Variants in KBTBD12 observed in about 807,000 individuals in gnomAD.
KBTBD12 encodes kelch repeat and BTB domain-containing protein 12.
A neutral mutation model predicts 58.7 loss-of-function variants in KBTBD12; 53 were observed. The observed-to-expected ratio is 0.90, with a 90% CI of 0.72 to 1.14. The LOEUF (loss-of-function observed/expected upper bound fraction) is 1.14, where lower values mean the gene tolerates loss of function less well. Ranked by LOEUF, KBTBD12 falls within the 50% of genes most tolerant of loss-of-function variation. The pLI, the probability that KBTBD12 is intolerant of heterozygous loss-of-function variation, is 0.00. For missense variants in KBTBD12, 704 were observed against 751.3 expected (o/e 0.94, Z 0.74); for synonymous variants, 236 against 259.8 (o/e 0.91, Z 0.88).
rs113571406 is a variant in KBTBD12 at position 127,941,652 on chromosome 3, T to A, written c.1492+11369T>A. Among the ~76,000 whole-genome samples the A allele has an allele frequency of 9.3e-3, 1,412 of 152,292 alleles. 15 individuals carry two copies. Among genetic ancestry groups the A allele is most frequent in the African/African-American group, 0.024 (1,003 of 41,570 alleles). On this transcript the variant is annotated intron_variant, in intron 4 of 5. Coordinates refer to ENST00000405109, the MANE Select transcript of KBTBD12 (RefSeq NM_207335.4). ...CCTAGGCTGGAGTGCAGTGGTGCGA[T>A]CTCAGCTCACTGCAACCTCCATCTC...
chr3:127,973,482 C>T (rs1940718416), intron 5 of KBTBD12, among the ~76,000 whole-genome samples: 1 of 152,080 alleles, frequency 6.6e-6, no homozygotes, highest in Admixed American at 6.5e-5. Flanking sequence ...AGAATATGAA[C>T]AGGATTTTAT....
intron 2 of KBTBD12, among the ~76,000 whole-genome samples, chr3:127,925,876 T>G (rs915510285): frequency 6.6e-5 from 10 of 152,250 alleles, no homozygotes; most frequent in Admixed American, 6.5e-4. Flanking sequence ...TTTATCATCC[T>G]GTGCTACATC....
intron 1 of KBTBD12, among the ~76,000 whole-genome samples, chr3:127,920,691 T>TAAAGAAA (rs1183386150): frequency 6.6e-6 from 1 of 152,152 alleles, no homozygotes; most frequent in Non-Finnish European, 1.5e-5. Flanking sequence ...AAATTGACTT[T>TAAAGAAA]TTTTGCACCA....
In KBTBD12 at chr3:127,972,589, G is replaced by T. The variant is rs1940705110; in HGVS notation, c.1690+9203G>T. Reference sequence around the variant, plus strand: ...GAAGTTGCTGTATTGTTGGATGATGGACTCAGCTAGCTGCTTAGAATGTAG... The same window carrying T: ...GAAGTTGCTGTATTGTTGGATGATGTACTCAGCTAGCTGCTTAGAATGTAG... On this transcript the variant is annotated intron_variant, in intron 5 of 5. Coordinates refer to ENST00000405109, the MANE Select transcript of KBTBD12 (RefSeq NM_207335.4). Among the ~76,000 whole-genome samples, 3 of 152,172 alleles carry T rather than the reference G, an allele frequency of 2.0e-5. No individual in the cohort carries two copies. In the South Asian group the frequency reaches 6.2e-4, roughly 32 times the overall value.
intron 4 of KBTBD12, among the ~76,000 whole-genome samples, chr3:127,947,864 T>A (rs1940117429): frequency 6.6e-6 from 1 of 152,184 alleles, no homozygotes; most frequent in Admixed American, 6.5e-5. Context: ...GAAAACAGCC[T>A]AGAAGAGGCT....
At chr3:127,931,207 A>C (rs903067512) in intron 4 of KBTBD12, among the ~76,000 whole-genome samples, 1 of 152,086 alleles carries the variant, frequency 6.6e-6, no homozygotes, top group African/African-American at 2.4e-5. Context: ...TATTATCATG[A>C]TGATTTTTTT....
rs1940487329 is a variant in KBTBD12, at chr3:127,963,312, C to T, written c.1616C>T (p.Ser539Leu). ...EGPPMPSPLLSLRTNSTNAGA... is the reference protein window; with the variant it reads ...EGPPMPSPLLLLRTNSTNAGA... ...CCTCCCATGCCAAGTCCCCTCCTCT[C>T]ACTCCGCACCAATTCCACCAATGCA... is the stretch of plus-strand genomic sequence containing the variant. The change falls in exon 5 of 6, where the codon TCA (serine) becomes TTA (leucine). Residue 539 changes from serine to leucine, a missense_variant. Ser to Leu is a moderately radical substitution (Grantham distance 145). Coordinates refer to ENST00000405109, the MANE Select transcript of KBTBD12 (RefSeq NM_207335.4). The T allele has an allele frequency of 1.2e-6, 2 of 1,611,558 alleles. No homozygotes were observed. Among genetic ancestry groups the T allele is most frequent in the Non-Finnish European group, 1.7e-6 (2 of 1,178,956 alleles).
chr3:127,975,744 A>G (rs748608311), intron 5 of KBTBD12, among the ~76,000 whole-genome samples: 3 of 152,174 alleles, frequency 2.0e-5, no homozygotes, highest in Non-Finnish European at 4.4e-5. Context: ...TGTTAGCATG[A>G]GATAGAATTT....
chr3:127,970,147 C>T (rs1168921320), intron 5 of KBTBD12, among the ~76,000 whole-genome samples: 2 of 152,112 alleles, frequency 1.3e-5, no homozygotes, highest in Non-Finnish European at 2.9e-5. Flanking sequence ...AGAATAGACA[C>T]TTGTCCAGTG....
chr3:127,918,435 A>G (rs1476857950), intron 1 of KBTBD12, among the ~76,000 whole-genome samples: 1 of 152,208 alleles, frequency 6.6e-6, no homozygotes, highest in Admixed American at 6.5e-5. Context: ...CATGTTAGCC[A>G]GGCGCGGTGG....
chr3:127,959,575 C>T (rs914073646), intron 4 of KBTBD12, among the ~76,000 whole-genome samples: 1 of 152,244 alleles, frequency 6.6e-6, no homozygotes, highest in African/African-American at 2.4e-5. Context: ...ACTCATGAAA[C>T]ATCCTAGAAC....
chr3:127,930,035 T>C lies in KBTBD12; in HGVS notation c.1342-98T>C. The C allele has an allele frequency of 5.4e-6, 6 of 1,113,914 alleles. No homozygotes were observed. In the South Asian group the frequency reaches 8.8e-5, roughly 16 times the overall value. The allele number at this position is 1,113,914 out of a possible 1,614,324, so 69.0% of individuals were successfully genotyped here. ...TATGAGTCACTGCAGTTAACCTCTA[T>C]TTATCTCCTTGGCTGTCTGCTTTGA... On this transcript the variant is annotated intron_variant, in intron 3 of 5. Coordinates refer to ENST00000405109, the MANE Select transcript of KBTBD12 (RefSeq NM_207335.4).
intron 5 of KBTBD12, among the ~76,000 whole-genome samples, chr3:127,969,824 T>C (rs1940650840): frequency 6.6e-6 from 1 of 152,170 alleles, no homozygotes; most frequent in African/African-American, 2.4e-5. Context: ...GAACCCAAAG[T>C]AGATTAAAAA....
intron 4 of KBTBD12, among the ~76,000 whole-genome samples, chr3:127,947,861 GC>G (rs1940117307): frequency 6.6e-6 from 1 of 152,154 alleles, no homozygotes; most frequent in African/African-American, 2.4e-5. Context: ...GCAGAAAACA[GC>G]CTAGAAGAGG....
chr3:127,967,180 T>G (rs1412015718), intron 5 of KBTBD12, among the ~76,000 whole-genome samples: 1 of 152,002 alleles, frequency 6.6e-6, no homozygotes, highest in East Asian at 1.9e-4. Flanking sequence ...GTGGAGGATA[T>G]TGAGGGGAGA....
At chr3:127,929,984 G>A (rs1033191370) in intron 3 of KBTBD12, 149 bp from the exon 4 acceptor site, 23 of 639,336 alleles carry the variant, frequency 3.6e-5, no homozygotes, top group Non-Finnish European at 5.9e-5. Flanking sequence ...TATAACCCCC[G>A]TCATGGGGTT....
chr3:127,931,020 A>G (rs1404197304), intron 4 of KBTBD12, among the ~76,000 whole-genome samples: 1 of 152,114 alleles, frequency 6.6e-6, no homozygotes, highest in Non-Finnish European at 1.5e-5. Context: ...GAAAGAAACA[A>G]TGAGGCAGGG....
At chr3:127,918,439 G>A (rs189808811) in intron 1 of KBTBD12, among the ~76,000 whole-genome samples, 2 of 152,238 alleles carry the variant, frequency 1.3e-5, no homozygotes, top group Middle Eastern at 6.8e-3. Flanking sequence ...TTAGCCAGGC[G>A]CGGTGGCTCA....
At chr3:127,930,960 A>G (rs1576374352) in intron 4 of KBTBD12, among the ~76,000 whole-genome samples, 1 of 152,092 alleles carries the variant, frequency 6.6e-6, no homozygotes, top group African/African-American at 2.4e-5. Context: ...AGTACATTCC[A>G]TCTGCCTAAC....
Sources: gnomAD v4.1 joint callset for allele counts (sites outside exome capture counted in the v4.1 genomes callset) on GRCh38, gnomAD v4.1.1 for gene constraint, MANE v1.5 for transcripts, NCBI Gene and HGNC (gene_info 2026-07-23, HGNC 2026-07-21) for gene names.